The following PLXNA2 variants were observed in gnomAD, a reference collection of about 807,000 sequenced individuals.
The protein encoded by PLXNA2 is plexin A2.
Under a neutral mutation model 193.5 loss-of-function variants are expected in PLXNA2, and 91 were observed. The ratio of observed to expected loss-of-function variants is 0.47; its 90% CI spans 0.40 to 0.56. The LOEUF (loss-of-function observed/expected upper bound fraction) is 0.56. Among genes scored for constraint, PLXNA2 ranks in the 20% least tolerant of loss-of-function variants. The pLI is 0.00. For missense variants in PLXNA2, 1,995 were observed against 2,503.2 expected, an observed-to-expected ratio of 0.80 and a Z score of 4.33; for synonymous variants, 997 against 1,027.3, an observed-to-expected ratio of 0.97 and a Z score of 0.56.
intron 3 of PLXNA2, among the ~76,000 whole-genome samples, chr1:208,165,952 C>T (rs1365206090): frequency 1.3e-5 from 2 of 152,184 alleles, no homozygotes; most frequent in East Asian, 3.9e-4. Flanking sequence ...GTTTGACTTC[C>T]TGCTACAGCT....
intron 14 of PLXNA2, 123 bp downstream of exon 14, chr1:208,054,298 T>A: frequency 3.0e-6 from 2 of 658,756 alleles, no homozygotes; most frequent in South Asian, 4.0e-5. Context: ...GGAGGGTCCT[T>A]TTCTCCTCCT....
At chr1:208,165,920 G>A (rs1669287592) in intron 3 of PLXNA2, among the ~76,000 whole-genome samples, 1 of 152,142 alleles carries the variant, frequency 6.6e-6, no homozygotes, top group Admixed American at 6.5e-5. Flanking sequence ...CCTCCCTCCT[G>A]CTCAGAAAGG....
At chr1:208,169,580 G>C (rs1669427971) in intron 3 of PLXNA2, among the ~76,000 whole-genome samples, 1 of 152,226 alleles carries the variant, frequency 6.6e-6, no homozygotes, top group Non-Finnish European at 1.5e-5. Flanking sequence ...CAAAGGGCTG[G>C]AGCACCAGGA....
At chr1:208,213,859 C>A (rs1451621734) in intron 2 of PLXNA2, among the ~76,000 whole-genome samples, 2 of 152,226 alleles carry the variant, frequency 1.3e-5, no homozygotes, top group African/African-American at 2.4e-5. Context: ...CCTGGCCCCA[C>A]TCACTGTCAC....
At chr1:208,160,182 T>C (rs935798718) in intron 3 of PLXNA2, among the ~76,000 whole-genome samples, 4 of 151,694 alleles carry the variant, frequency 2.6e-5, no homozygotes, top group African/African-American at 7.3e-5. Context: ...AGCATGTTTT[T>C]TCTCTGTCCC....
At chr1:208,218,639 T>G (rs563098919) in intron 1 of PLXNA2, among the ~76,000 whole-genome samples, 1 of 152,218 alleles carries the variant, frequency 6.6e-6, no homozygotes, top group Admixed American at 6.5e-5. Context: ...GAAGAACCCC[T>G]GATCACTAGC....
chr1:208,028,222 C>T lies in PLXNA2; in HGVS notation c.5439-63G>A, dbSNP rs940327844. 54 of 1,494,530 alleles carry T rather than the reference C, an allele frequency of 3.6e-5. No individual in the cohort carries two copies. Among genetic ancestry groups the T allele is most frequent in the Non-Finnish European group, 4.4e-5 (49 of 1,108,440 alleles). The allele number at this position is 1,494,530 out of a possible 1,614,324, so 92.6% of individuals were successfully genotyped here. ...AGCAAACATTTACCTATAGCTACCCCGGGCCCAGGTCCTTCGAGGGCACTG... is the reference window on the plus strand; with the variant it reads ...AGCAAACATTTACCTATAGCTACCCTGGGCCCAGGTCCTTCGAGGGCACTG... On this transcript the variant is annotated intron_variant, in intron 30 of 31. Coordinates refer to ENST00000367033, the MANE Select transcript of PLXNA2 (RefSeq NM_025179.4). This position sits in a 1 kb window ranked among gnomAD's most constrained non-coding sequence, Gnocchi z 4.2.
chr1:208,036,239 G>C (rs1014042340), intron 26 of PLXNA2, among the ~76,000 whole-genome samples: 1 of 152,186 alleles, frequency 6.6e-6, no homozygotes, highest in Non-Finnish European at 1.5e-5. Context: ...GCAGGGGCAG[G>C]AGTTCACACT....
At chr1:208,050,536 T>C (rs970266468) in intron 17 of PLXNA2, among the ~76,000 whole-genome samples, 4 of 152,234 alleles carry the variant, frequency 2.6e-5, no homozygotes, top group African/African-American at 9.6e-5. Context: ...CATTATAATA[T>C]AAAAATCATT....
chr1:208,197,445 T>C (rs1359376543), intron 3 of PLXNA2, among the ~76,000 whole-genome samples: 1 of 152,228 alleles, frequency 6.6e-6, no homozygotes, highest in Non-Finnish European at 1.5e-5. Context: ...TGACTAAATA[T>C]GCTGCAAATT....
At chr1:208,126,486 G>A (rs1667979928) in intron 4 of PLXNA2, among the ~76,000 whole-genome samples, 1 of 152,158 alleles carries the variant, frequency 6.6e-6, no homozygotes, top group Admixed American at 6.5e-5. Context: ...TTAAAAAGAT[G>A]TTCAATTTGT....
At chr1:208,099,659 C>T (rs1344750452) in intron 5 of PLXNA2, among the ~76,000 whole-genome samples, 2 of 152,026 alleles carry the variant, frequency 1.3e-5, no homozygotes, top group Non-Finnish European at 2.9e-5. Context: ...AAAACTCCAC[C>T]TCCCGGGTTC....
At chr1:208,202,541 G>A (rs910248657) in intron 3 of PLXNA2, among the ~76,000 whole-genome samples, 2 of 152,128 alleles carry the variant, frequency 1.3e-5, no homozygotes, top group African/African-American at 4.8e-5. Flanking sequence ...GTCCCTACCC[G>A]AAGGCAGGAG....
chr1:208,117,607 C>T (rs577680725), intron 4 of PLXNA2, among the ~76,000 whole-genome samples: 77 of 152,306 alleles, frequency 5.1e-4, no homozygotes, highest in African/African-American at 1.8e-3. Flanking sequence ...ATGACAGCTG[C>T]AGCCATGGAA....
chr1:208,160,736 A>G (rs1669084054), intron 3 of PLXNA2, among the ~76,000 whole-genome samples: 1 of 152,260 alleles, frequency 6.6e-6, no homozygotes, highest in African/African-American at 2.4e-5. Context: ...ACAGAAACAA[A>G]TGCAACACAG....
intron 3 of PLXNA2, among the ~76,000 whole-genome samples, chr1:208,205,338 C>T (rs1670683263): frequency 2.0e-5 from 3 of 152,196 alleles, no homozygotes. Context: ...GGGATGCTGT[C>T]ATGAGGAACT....
At chr1:208,041,548 T>G (rs1021763589) in intron 22 of PLXNA2, among the ~76,000 whole-genome samples, 1 of 152,340 alleles carries the variant, frequency 6.6e-6, no homozygotes, top group East Asian at 1.9e-4. Context: ...GGGAATGTTC[T>G]CTATCTGTGC....
At chr1:208,080,646 T>C (rs1159729189) in intron 11 of PLXNA2, among the ~76,000 whole-genome samples, 1 of 152,182 alleles carries the variant, frequency 6.6e-6, no homozygotes, top group Non-Finnish European at 1.5e-5. Context: ...CTGCAGGGCC[T>C]ATATTTAAAT....
intron 6 of PLXNA2, 111 bp downstream of exon 6, chr1:208,098,735 G>A (rs942253057): frequency 3.1e-6 from 4 of 1,272,926 alleles, no homozygotes; most frequent in Non-Finnish European, 4.4e-6. Flanking sequence ...CTCCTTACTG[G>A]ATTTAAAGTC....
Sources: gnomAD v4.1 joint callset for allele counts (sites outside exome capture counted in the v4.1 genomes callset) on GRCh38, gnomAD v4.1.1 for gene constraint, Gnocchi (gnomAD v3.1) non-coding constraint, MANE v1.5 for transcripts, NCBI Gene and HGNC (gene_info 2026-07-23, HGNC 2026-07-21) for gene names.